Variants in KCNU1 observed in about 807,000 individuals in gnomAD.
The protein encoded by KCNU1 is potassium calcium-activated channel subfamily U member 1.
In KCNU1, 93 loss-of-function variants were observed where a neutral mutation model predicts 126.8. The observed-to-expected ratio is 0.73, with a 90% CI of 0.62 to 0.87. KCNU1 has a LOEUF of 0.87. Among genes scored for constraint, KCNU1 ranks in the 40% least tolerant of loss-of-function variants. KCNU1 has a pLI of 0.00. For synonymous variants in KCNU1, 523 were observed against 494.2 expected (o/e 1.06, Z -0.77); for missense variants, 1,330 against 1,367.1 (o/e 0.97, Z 0.43).
Position 36,913,114 on chromosome 8 carries a change from C to T in KCNU1, c.2521+1995C>T, listed in dbSNP as rs540554978. On this transcript the variant is annotated intron_variant, in intron 22 of 26. Coordinates refer to ENST00000399881, the MANE Select transcript of KCNU1 (RefSeq NM_001031836.3). ...ATTACTATTATTGAAATTTCACCTC[C>T]TTTATGGACTAGACAAAACGTAAAC... Among the ~76,000 whole-genome samples, 10 of 152,144 alleles carry T rather than the reference C, an allele frequency of 6.6e-5. No homozygotes were observed. In the South Asian group the frequency reaches 1.9e-3, roughly 28 times the overall value.
At position 36,934,338 on chromosome 8, in the gene KCNU1, A is replaced by G. The variant is rs943683388; in HGVS notation, c.3045-1177A>G. On this transcript the variant is annotated intron_variant, in intron 26 of 26. Coordinates refer to ENST00000399881, the MANE Select transcript of KCNU1 (RefSeq NM_001031836.3). Reference sequence around the variant, plus strand: ...AGAGCATGTCAAGTGCTAAAGGGCAAAATAAGCATCGAGGTCTACAGACGA... The same window carrying G: ...AGAGCATGTCAAGTGCTAAAGGGCAGAATAAGCATCGAGGTCTACAGACGA... Among the ~76,000 whole-genome samples the G allele has an allele frequency of 4.6e-5, 7 of 152,058 alleles. No homozygotes were observed. In the South Asian group the frequency reaches 6.2e-4, roughly 14 times the overall value.
At chr8:36,910,894 C>T (rs1401515906) in intron 21 of KCNU1, 36 bp from the exon 22 acceptor site, 3 of 1,455,248 alleles carry the variant, frequency 2.1e-6, no homozygotes, top group Non-Finnish European at 2.8e-6. Flanking sequence ...ATCCCTCCAT[C>T]CGACCAGTGC....
In KCNU1 at chr8:36,829,683, C is replaced by T. The variant is rs192315417; in HGVS notation, c.1107-3871C>T. ...TATGAAAAACTGCAGAAATTTAATG[C>T]GAATCTAATTGAAAGTTTAGATGCA... On this transcript the variant is annotated intron_variant, in intron 10 of 26. Transcript: ENST00000399881. 2.6e-4 allele frequency among the ~76,000 whole-genome samples: 40 copies of T among 151,106 alleles called. 1 individual carries two copies. Among genetic ancestry groups the T allele is most frequent in the Admixed American group, 5.9e-4 (9 of 15,156 alleles).
At chr8:36,808,520 A>G (rs1283648958) in intron 6 of KCNU1, among the ~76,000 whole-genome samples, 198 bp from the exon 7 acceptor site, 4 of 152,124 alleles carry the variant, frequency 2.6e-5, no homozygotes, top group African/African-American at 7.2e-5. Context: ...TATATGAATC[A>G]AGCAGAGAAT....
chr8:36,820,065 C>T (rs181946888), intron 10 of KCNU1, among the ~76,000 whole-genome samples: 2 of 152,266 alleles, frequency 1.3e-5, no homozygotes, highest in Admixed American at 6.5e-5. Context: ...ACTCTAGTCA[C>T]ATAGCTGAAG....
At chr8:36,786,952 T>C (rs1487330004) in intron 1 of KCNU1, among the ~76,000 whole-genome samples, 1 of 152,162 alleles carries the variant, frequency 6.6e-6, no homozygotes. Flanking sequence ...TCCACGTATC[T>C]TGATGAAAAC....
chr8:36,869,678 A>T (rs761172195), intron 19 of KCNU1, among the ~76,000 whole-genome samples: 101 of 152,306 alleles, frequency 6.6e-4, no homozygotes, highest in South Asian at 1.2e-3. Flanking sequence ...AAATGAGATG[A>T]TATTAGAATC....
chr8:36,854,148 CTCTG>C (rs1046875030), intron 18 of KCNU1, among the ~76,000 whole-genome samples: 1 of 152,098 alleles, frequency 6.6e-6, no homozygotes, highest in African/African-American at 2.4e-5. Context: ...CTTGAAGACC[CTCTG>C]TCTTTGAGTC....
chr8:36,813,427 A>C, intron 7 of KCNU1, among the ~76,000 whole-genome samples: 1 of 151,894 alleles, frequency 6.6e-6, no homozygotes, highest in East Asian at 1.9e-4. Flanking sequence ...TGAGGAGAAA[A>C]AAAGGTCTAA....
At chr8:36,874,691 T>C (rs769597448) in intron 19 of KCNU1, among the ~76,000 whole-genome samples, 4 of 152,162 alleles carry the variant, frequency 2.6e-5, no homozygotes, top group Admixed American at 2.0e-4. Context: ...CCCAACACTA[T>C]AGATTATTAG....
chr8:36,869,762 A>G (rs1205784364), intron 19 of KCNU1, among the ~76,000 whole-genome samples: 2 of 152,178 alleles, frequency 1.3e-5, no homozygotes, highest in African/African-American at 4.8e-5. Context: ...ATACATAGTG[A>G]AAATACAGCA....
chr8:36,917,791 G>A (rs1013493779), intron 22 of KCNU1, among the ~76,000 whole-genome samples: 3 of 152,078 alleles, frequency 2.0e-5, no homozygotes, highest in Non-Finnish European at 4.4e-5. Flanking sequence ...TTTTGGGGTC[G>A]AGTCTCACAG....
intron 10 of KCNU1, among the ~76,000 whole-genome samples, chr8:36,824,046 G>T (rs547277512): frequency 6.6e-6 from 1 of 151,838 alleles, no homozygotes; most frequent in Admixed American, 6.6e-5. Flanking sequence ...CATGTTGGCC[G>T]GGCTGGTCTT....
chr8:36,892,415 T>C (rs1806999553), intron 19 of KCNU1, among the ~76,000 whole-genome samples: 1 of 152,084 alleles, frequency 6.6e-6, no homozygotes, highest in Non-Finnish European at 1.5e-5. Context: ...CCTTTAAATA[T>C]ATTTATAATG....
chr8:36,851,373 T>TCTCTCTCTCTC (rs1805338170), intron 18 of KCNU1, among the ~76,000 whole-genome samples: 1 of 140,270 alleles, frequency 7.1e-6, no homozygotes, highest in Non-Finnish European at 1.6e-5. Context: ...GGCACTTCCC[T>TCTCTCTCTCTC]TCTCTCTCTC....
chr8:36,933,889 G>T (rs574120291), intron 26 of KCNU1, among the ~76,000 whole-genome samples: 1 of 152,238 alleles, frequency 6.6e-6, no homozygotes, highest in Non-Finnish European at 1.5e-5. Flanking sequence ...CACAGTCATT[G>T]CTGAGAGAAA....
chr8:36,872,369 C>T (rs911119130), intron 19 of KCNU1, among the ~76,000 whole-genome samples: 3 of 152,076 alleles, frequency 2.0e-5, no homozygotes, highest in South Asian at 2.1e-4. Flanking sequence ...CGAAGCCTAT[C>T]GCATGCTATG....
chr8:36,859,564 G>A (rs1472938051), intron 18 of KCNU1, among the ~76,000 whole-genome samples: 1 of 152,072 alleles, frequency 6.6e-6, no homozygotes, highest in Non-Finnish European at 1.5e-5. Context: ...TCCAAAGAGG[G>A]GAATTCTCAG....
intron 10 of KCNU1, among the ~76,000 whole-genome samples, chr8:36,827,274 T>C (rs543119438): frequency 6.6e-6 from 1 of 152,360 alleles, no homozygotes; most frequent in Admixed American, 6.5e-5. Context: ...AGCCGAATTA[T>C]AAGCTAGTTT....
Sources: gnomAD v4.1 joint callset for allele counts (sites outside exome capture counted in the v4.1 genomes callset) on GRCh38, gnomAD v4.1.1 for gene constraint, MANE v1.5 for transcripts, NCBI Gene and HGNC (gene_info 2026-07-23, HGNC 2026-07-21) for gene names.